CDH4: variants seen among roughly 807,000 people sequenced by gnomAD.
The protein encoded by CDH4 is cadherin-4.
Under a neutral mutation model 86.0 loss-of-function variants are expected in CDH4, and 33 were observed. The ratio of observed to expected loss-of-function variants is 0.38; its 90% CI spans 0.29 to 0.51. The LOEUF is 0.51. Among genes scored for constraint, CDH4 ranks in the 20% least tolerant of loss-of-function variants. The pLI is 0.86. For missense variants in CDH4, 1,114 were observed against 1,307.4 expected (o/e 0.85, Z 2.28); for synonymous variants, 555 against 549.4 (o/e 1.01, Z -0.14).
At chr20:61,425,280 G>A (rs1217001075) in intron 2 of CDH4, among the ~76,000 whole-genome samples, 4 of 152,176 alleles carry the variant, frequency 2.6e-5, no homozygotes, top group African/African-American at 9.7e-5. Flanking sequence ...AGCAGGGAGG[G>A]AGGCGGCCAG....
chr20:61,923,382 T>C (rs2055005401), intron 9 of CDH4, 69 bp from the exon 10 acceptor site: 1 of 1,528,756 alleles, frequency 6.5e-7, no homozygotes, highest in South Asian at 1.2e-5. Flanking sequence ...AACCTTCCCA[T>C]GTGTCCCCCC....
intron 2 of CDH4, among the ~76,000 whole-genome samples, chr20:61,313,216 G>A (rs192632786): frequency 1.1e-4 from 17 of 152,290 alleles, no homozygotes; most frequent in African/African-American, 3.8e-4. Context: ...GGCTTAGCCC[G>A]AGTGTCTGAT....
At position 61,252,519 on chromosome 20, in the gene CDH4, C is replaced by T. The variant is rs1431027946; in HGVS notation, c.6C>T (p.Thr2=). 4.2e-6 allele frequency: 5 copies of T among 1,190,524 alleles called. No individual in the cohort carries two copies. In the Admixed American group the frequency reaches 1.8e-4, roughly 43 times the overall value. The allele number at this position is 1,190,524 out of a possible 1,614,324, so 73.7% of individuals were successfully genotyped here. A position where few individuals can be genotyped will look rare whatever the true frequency, so the allele number is the denominator to read the frequency against. ...CCGGGCGGGCGGCGGGGAAGATGAC[C>T]GCGGGCGCCGGCGTGCTCCTTCTGC... The part of the protein sequence containing the change: M[T]AGAGVLLLLL... Residue 2 remains threonine (T), a synonymous_variant, in exon 1 of 16, where the codon ACC becomes ACT. Transcript: ENST00000614565. This position sits in a 1 kb window ranked among gnomAD's most constrained non-coding sequence, Gnocchi z 4.4.
intron 2 of CDH4, among the ~76,000 whole-genome samples, chr20:61,285,072 G>GTTTTTT (rs776837492): frequency 2.7e-5 from 4 of 150,556 alleles, no homozygotes; most frequent in African/African-American, 4.9e-5. Flanking sequence ...AGCCTTTCCT[G>GTTTTTT]TTTTTTTTTT....
chr20:61,814,820 C>T (rs1351448465), intron 4 of CDH4, among the ~76,000 whole-genome samples: 2 of 152,194 alleles, frequency 1.3e-5, no homozygotes, highest in African/African-American at 4.8e-5. Context: ...TGATGCCGAC[C>T]TTTCCTTGCA....
chr20:61,895,713 G>A (rs1048745005), intron 8 of CDH4, among the ~76,000 whole-genome samples: 9 of 152,200 alleles, frequency 5.9e-5, no homozygotes, highest in African/African-American at 1.7e-4. Flanking sequence ...CCACTGCGCC[G>A]ACAGACATTT....
At chr20:61,671,076 A>G (rs749170701) in intron 2 of CDH4, among the ~76,000 whole-genome samples, 5 of 152,144 alleles carry the variant, frequency 3.3e-5, no homozygotes, top group Non-Finnish European at 7.3e-5. Flanking sequence ...ATGGATAGGT[A>G]GATGGAGGGA....
intron 2 of CDH4, among the ~76,000 whole-genome samples, chr20:61,325,360 G>A (rs1366994730): frequency 6.6e-6 from 1 of 152,216 alleles, no homozygotes; most frequent in Non-Finnish European, 1.5e-5. Flanking sequence ...TCTTTCTGGA[G>A]TGAAGTTGCT....
In CDH4 at chr20:61,754,725, G is replaced by A. The variant is rs2088539245; in HGVS notation, c.396+10936G>A. Among the ~76,000 whole-genome samples the A allele has an allele frequency of 7.5e-6, 1 of 133,610 alleles. No individual in the cohort carries two copies. Among genetic ancestry groups the A allele is most frequent in the Non-Finnish European group, 1.6e-5 (1 of 63,436 alleles). 87.7% of individuals were successfully genotyped at this position (133,610 alleles called of 152,430 possible). A position where few individuals can be genotyped will look rare whatever the true frequency, so the allele number is the denominator to read the frequency against. On this transcript the variant is annotated intron_variant, in intron 3 of 15. Coordinates refer to ENST00000614565, the MANE Select transcript of CDH4 (RefSeq NM_001794.5). This position sits in a 1 kb window ranked among gnomAD's most constrained non-coding sequence, Gnocchi z 4.7. ...ATGCCACACACACCGCACACACACT[G>A]CACGCCCCGCACACACTATGCACAC... is the stretch of plus-strand genomic sequence containing the variant.
Position 61,362,766 on chromosome 20 carries a change from T to A in CDH4, c.169+107829T>A, listed in dbSNP as rs1227476679. ...CGAGACAGGGGCACCTGAGACAGCA[T>A]TAGGGAAGGAAGGAGGTGGCGAGAG... On this transcript the variant is annotated intron_variant, in intron 2 of 15. Transcript: ENST00000614565. Among the ~76,000 whole-genome samples the A allele has an allele frequency of 2.0e-5, 3 of 151,670 alleles. No homozygotes were observed. In the East Asian group the frequency reaches 5.8e-4, roughly 29 times the overall value.
chr20:61,770,505 G>C (rs767047877), intron 3 of CDH4, among the ~76,000 whole-genome samples: 30 of 152,264 alleles, frequency 2.0e-4, no homozygotes, highest in Non-Finnish European at 3.8e-4. Flanking sequence ...GCCCCGATGT[G>C]GCAGACGCAT....
chr20:61,497,773 C>T (rs2085672786), intron 2 of CDH4, among the ~76,000 whole-genome samples: 1 of 152,082 alleles, frequency 6.6e-6, no homozygotes, highest in Non-Finnish European at 1.5e-5. Context: ...TTTATTGCAG[C>T]ACTATTCACA....
At chr20:61,433,296 A>G (rs1214374403) in intron 2 of CDH4, among the ~76,000 whole-genome samples, 1 of 152,120 alleles carries the variant, frequency 6.6e-6, no homozygotes, top group Non-Finnish European at 1.5e-5. Flanking sequence ...TTTGTCGGGT[A>G]TCAATCAGCC....
Position 61,686,798 on chromosome 20 carries a change from T to A in CDH4, c.170-56765T>A, listed in dbSNP as rs539818365. Among the ~76,000 whole-genome samples, 58 of 152,342 alleles carry A rather than the reference T, an allele frequency of 3.8e-4. 2 individuals carry two copies. In the East Asian group the frequency reaches 0.011, roughly 28 times the overall value. On this transcript the variant is annotated intron_variant, in intron 2 of 15. Transcript: ENST00000614565. ...GCGTGTGTGTGTGCATGTGTGCATG[T>A]CCACTTGCATGCATGTGTGGTCATG...
At chr20:61,456,021 A>G (rs2085405060) in intron 2 of CDH4, among the ~76,000 whole-genome samples, 1 of 151,502 alleles carries the variant, frequency 6.6e-6, no homozygotes. Context: ...AGGGAGGGAG[A>G]GAAGGAAGGA....
intron 3 of CDH4, among the ~76,000 whole-genome samples, chr20:61,757,041 C>T (rs1055357323): frequency 2.6e-5 from 4 of 152,210 alleles, no homozygotes; most frequent in Admixed American, 6.5e-5. Flanking sequence ...TTGTAGACAA[C>T]GTGTCCACCT....
chr20:61,485,013 T>C (rs2085588320), intron 2 of CDH4, among the ~76,000 whole-genome samples: 1 of 152,200 alleles, frequency 6.6e-6, no homozygotes. Flanking sequence ...AGCATTAATA[T>C]GGTCACCGGC....
chr20:61,528,463 G>GGAGGGGAAGAGAGGGGAGGGGGGT (rs2085928354), intron 2 of CDH4, among the ~76,000 whole-genome samples: 14 of 96,952 alleles, frequency 1.4e-4, no homozygotes, highest in Non-Finnish European at 2.6e-4. Flanking sequence ...GAGGGGGAGA[G>GGAGGGGAAGAGAGGGGAGGGGGGT]GGAGGGGGAG....
chr20:61,868,828 C>T (rs1983668022), intron 6 of CDH4, among the ~76,000 whole-genome samples: 1 of 152,230 alleles, frequency 6.6e-6, no homozygotes, highest in African/African-American at 2.4e-5. Context: ...GAGGGGAGGG[C>T]GGGAGACGGG....
Sources: allele counts gnomAD v4.1 joint callset (sites outside exome capture counted in the v4.1 genomes callset), GRCh38; gene constraint gnomAD v4.1.1; non-coding constraint Gnocchi (gnomAD v3.1); transcripts MANE v1.5; gene names NCBI Gene and HGNC (gene_info 2026-07-23, HGNC 2026-07-21).